The following TMEM132C variants were observed in gnomAD, a reference collection of about 807,000 sequenced individuals.
TMEM132C encodes transmembrane protein 132C.
Under a neutral mutation model 61.4 loss-of-function variants are expected in TMEM132C, and 29 were observed. That is an observed-to-expected ratio of 0.47 (90% CI 0.35 to 0.64). The LOEUF is 0.64. TMEM132C is among the 30% of genes least tolerant of loss of function. TMEM132C has a pLI of 0.00. For missense variants in TMEM132C, 1,408 were observed against 1,476.9 expected (o/e 0.95, Z 0.76); for synonymous variants, 656 against 633.1 (o/e 1.04, Z -0.54).
At chr12:128,436,836 C>T (rs1869610746) in intron 2 of TMEM132C, among the ~76,000 whole-genome samples, 2 of 152,130 alleles carry the variant, frequency 1.3e-5, no homozygotes, top group Admixed American at 1.3e-4. Context: ...ACTATAAAGA[C>T]ACATGCACAC....
In TMEM132C at chr12:128,494,494, G is replaced by A. The variant is rs569232941; in HGVS notation, c.975-49463G>A. ...TCTGGTCCTGGACTTCTTTTGGTTG[G>A]TAGGCTATTAATTATTGCCTCAATT... On this transcript the variant is annotated intron_variant, in intron 2 of 8. Transcript: ENST00000435159. Among the ~76,000 whole-genome samples, 5 of 152,300 alleles carry A rather than the reference G, an allele frequency of 3.3e-5. No homozygotes were observed. In the South Asian group the frequency reaches 1.0e-3, roughly 32 times the overall value.
intron 8 of TMEM132C, among the ~76,000 whole-genome samples, chr12:128,698,091 G>C (rs149811165): frequency 6.6e-6 from 1 of 152,140 alleles, no homozygotes; most frequent in Non-Finnish European, 1.5e-5. Flanking sequence ...GAAGCCCCCT[G>C]TTCATCGCTC....
At chr12:128,425,058 G>A (rs1288629983) in intron 2 of TMEM132C, among the ~76,000 whole-genome samples, 1 of 152,190 alleles carries the variant, frequency 6.6e-6, no homozygotes, top group Non-Finnish European at 1.5e-5. Context: ...GGCTGGCCAG[G>A]GATATAGGTG....
intron 3 of TMEM132C, among the ~76,000 whole-genome samples, chr12:128,605,112 ATGAT>A (rs997771034): frequency 2.0e-4 from 29 of 147,706 alleles, no homozygotes; most frequent in African/African-American, 5.1e-4. Context: ...AGACAGATAA[ATGAT>A]AGATAGATAG....
chr12:128,448,763 C>T (rs1327633808), intron 2 of TMEM132C, among the ~76,000 whole-genome samples: 1 of 152,206 alleles, frequency 6.6e-6, no homozygotes, highest in Non-Finnish European at 1.5e-5. Context: ...ATAACCTGAA[C>T]ATGCAATTAT....
intron 2 of TMEM132C, among the ~76,000 whole-genome samples, chr12:128,458,474 A>G (rs79769571): frequency 0.037 from 5,630 of 152,020 alleles, 344 homozygotes; most frequent in African/African-American, 0.13. Flanking sequence ...TTGTGTAATC[A>G]CTTCGTGGTG....
At chr12:128,346,072 C>G (rs1873151372) in intron 1 of TMEM132C, among the ~76,000 whole-genome samples, 1 of 151,678 alleles carries the variant, frequency 6.6e-6, no homozygotes, top group African/African-American at 2.4e-5. Flanking sequence ...TATATGGTAT[C>G]CTTTGTATAA....
chr12:128,590,244 G>A (rs1490007605), intron 3 of TMEM132C, among the ~76,000 whole-genome samples: 2 of 152,130 alleles, frequency 1.3e-5, no homozygotes, highest in African/African-American at 2.4e-5. Flanking sequence ...CTTGAGACTC[G>A]GGATGACAGG....
chr12:128,396,370 G>A (rs2459952), intron 1 of TMEM132C, among the ~76,000 whole-genome samples: 1 of 151,374 alleles, frequency 6.6e-6, no homozygotes, highest in Admixed American at 6.6e-5. Context: ...GAACATCACA[G>A]ACTGGGGCCT....
chr12:128,613,875 A>G (rs1312460818), intron 3 of TMEM132C, among the ~76,000 whole-genome samples: 1 of 152,236 alleles, frequency 6.6e-6, no homozygotes, highest in Non-Finnish European at 1.5e-5. Flanking sequence ...TCATGTTGGC[A>G]CATGCTTGAG....
At chr12:128,491,732 A>G (rs965030168) in intron 2 of TMEM132C, among the ~76,000 whole-genome samples, 7 of 151,968 alleles carry the variant, frequency 4.6e-5, no homozygotes, top group African/African-American at 1.5e-4. Context: ...TTTCTCAAGG[A>G]CGAGGTTGTA....
At chr12:128,339,419 G>A (rs931140150) in intron 1 of TMEM132C, among the ~76,000 whole-genome samples, 12 of 152,128 alleles carry the variant, frequency 7.9e-5, no homozygotes, top group African/African-American at 2.4e-4. Flanking sequence ...ATTTCATCCC[G>A]CTTGCATATC....
intron 1 of TMEM132C, among the ~76,000 whole-genome samples, chr12:128,275,925 T>A (rs1870674353): frequency 6.6e-6 from 1 of 152,140 alleles, no homozygotes; most frequent in Non-Finnish European, 1.5e-5. Context: ...CTTTTCCAGC[T>A]TCTCTTGGCT....
chr12:128,272,015 T>A (rs1320339304), intron 1 of TMEM132C, among the ~76,000 whole-genome samples: 1 of 152,260 alleles, frequency 6.6e-6, no homozygotes, highest in East Asian at 1.9e-4. Flanking sequence ...AGCCATCTAC[T>A]TTGTTTAAAA....
chr12:128,449,705 G>A (rs11059698), intron 2 of TMEM132C, among the ~76,000 whole-genome samples: 14,712 of 152,256 alleles, frequency 0.097, 925 homozygotes, highest in South Asian at 0.2. Flanking sequence ...TAATCATGCT[G>A]TAAAGAATCC....
chr12:128,395,831 T>TTTA (rs1874931462), intron 1 of TMEM132C, among the ~76,000 whole-genome samples: 1 of 151,754 alleles, frequency 6.6e-6, no homozygotes, highest in South Asian at 2.1e-4. Context: ...TAGACCTCCT[T>TTTA]GTGGTGCAAT....
chr12:128,707,782 T>G lies in TMEM132C; in HGVS notation c.*1487T>G, dbSNP rs1954856061. 6.6e-6 allele frequency: 1 copy of G among 152,210 alleles called. No homozygotes were observed. Among genetic ancestry groups the G allele is most frequent in the Admixed American group, 6.5e-5 (1 of 15,278 alleles). 9.4% of individuals were successfully genotyped at this position (152,210 alleles called of 1,614,324 possible). ...AAATCAGTAGCTAAGAAAGGGTCCT[T>G]GAAGCCTCCTAACCTGGGTTGGACC... is the stretch of plus-strand genomic sequence containing the variant. On this transcript the variant is annotated 3_prime_UTR_variant, in exon 9 of 9. Transcript: ENST00000435159.
chr12:128,697,922 C>T (rs1171202264), intron 8 of TMEM132C, among the ~76,000 whole-genome samples: 3 of 152,210 alleles, frequency 2.0e-5, no homozygotes, highest in East Asian at 1.9e-4. Flanking sequence ...CTGAGACACA[C>T]CACCCTCACC....
At chr12:128,614,646 A>G (rs1182251361) in intron 3 of TMEM132C, among the ~76,000 whole-genome samples, 4 of 152,218 alleles carry the variant, frequency 2.6e-5, no homozygotes, top group Middle Eastern at 3.2e-3. Context: ...TTTATCATCT[A>G]AAAAATGAAA....
Sources: allele counts gnomAD v4.1 joint callset (sites outside exome capture counted in the v4.1 genomes callset), GRCh38; gene constraint gnomAD v4.1.1; transcripts MANE v1.5; gene names NCBI Gene and HGNC (gene_info 2026-07-23, HGNC 2026-07-21).